CAMTA1: variants seen among roughly 807,000 people sequenced by gnomAD.
CAMTA1 encodes the protein calmodulin-binding transcription activator 1.
A neutral mutation model predicts 170.9 loss-of-function variants in CAMTA1; 27 were observed. That is an observed-to-expected ratio of 0.16 (90% CI 0.12 to 0.22). The LOEUF is 0.22. Ranked by LOEUF, CAMTA1 falls within the 10% of genes least tolerant of loss-of-function variation. The pLI is 1.00. For missense variants in CAMTA1, 1,619 were observed against 2,217.2 expected (o/e 0.73, Z 5.42); for synonymous variants, 833 against 891.5 (o/e 0.93, Z 1.17).
intron 5 of CAMTA1, among the ~76,000 whole-genome samples, chr1:7,452,944 CTA>C (rs1312542247): frequency 6.6e-6 from 1 of 152,210 alleles, no homozygotes; most frequent in East Asian, 1.9e-4. Context: ...CACAGTTTCT[CTA>C]TGAAGTTCAA....
At chr1:6,854,413 T>C (rs1661520444) in intron 3 of CAMTA1, among the ~76,000 whole-genome samples, 1 of 152,212 alleles carries the variant, frequency 6.6e-6, no homozygotes, top group Admixed American at 6.5e-5. Flanking sequence ...TGTAAGTACG[T>C]TTGTGTAAGT....
intron 3 of CAMTA1, among the ~76,000 whole-genome samples, chr1:7,051,660 T>C (rs1451976578): frequency 6.6e-6 from 1 of 152,142 alleles, no homozygotes; most frequent in Non-Finnish European, 1.5e-5. Flanking sequence ...TGAGGAAACA[T>C]CCCTGCCAGG....
chr1:7,478,204 A>C (rs1455641191), intron 6 of CAMTA1, among the ~76,000 whole-genome samples: 1 of 151,990 alleles, frequency 6.6e-6, no homozygotes, highest in Non-Finnish European at 1.5e-5. Context: ...GTGGTCGGGG[A>C]AGGGGGTCCC....
chr1:7,370,575 C>G (rs1175636951), intron 5 of CAMTA1, among the ~76,000 whole-genome samples: 17 of 152,202 alleles, frequency 1.1e-4, no homozygotes, highest in South Asian at 6.2e-4. Context: ...TTTCATGTTC[C>G]ACAGACTCTT....
rs114042519 is a variant in CAMTA1, at chr1:7,106,370, T to C, written c.302+14999T>C. Among the ~76,000 whole-genome samples the C allele has an allele frequency of 5.7e-3, 856 of 150,610 alleles. 10 individuals carry two copies. The highest frequency in any genetic ancestry group is 0.02 in the African/African-American group (803 of 40,996). The stretch of plus-strand genomic sequence containing the variant: ...AGGGAGCAAAAGAGAGGGAGGGAGA[T>C]GGAGGGAGAAAGAAAGATCCAGAGT... On this transcript the variant is annotated intron_variant, in intron 4 of 22. Coordinates refer to ENST00000303635, the MANE Select transcript of CAMTA1 (RefSeq NM_015215.4).
At chr1:7,104,290 TCAA>T (rs1643349058) in intron 4 of CAMTA1, among the ~76,000 whole-genome samples, 1 of 138,878 alleles carries the variant, frequency 7.2e-6, no homozygotes, top group East Asian at 2.0e-4. Flanking sequence ...AAACAAATAT[TCAA>T]CACAATGCAT....
chr1:7,440,223 A>G (rs114258814), intron 5 of CAMTA1, among the ~76,000 whole-genome samples: 3,871 of 152,358 alleles, frequency 0.025, 139 homozygotes, highest in African/African-American at 0.08. Flanking sequence ...TGTCCACTTC[A>G]TGGCATGGGA....
chr1:7,695,490 G>C (rs1354955300), intron 11 of CAMTA1, among the ~76,000 whole-genome samples: 2 of 152,236 alleles, frequency 1.3e-5, no homozygotes, highest in African/African-American at 4.8e-5. Context: ...GATTAGACCA[G>C]GAGGATCACT....
intron 5 of CAMTA1, among the ~76,000 whole-genome samples, chr1:7,385,744 C>T (rs753596950): frequency 1.3e-5 from 2 of 152,192 alleles, no homozygotes; most frequent in African/African-American, 4.8e-5. Context: ...CTGGGGTGCC[C>T]GCTCCCCAGC....
chr1:6,899,838 C>T (rs537739292), intron 3 of CAMTA1, among the ~76,000 whole-genome samples: 1 of 152,344 alleles, frequency 6.6e-6, no homozygotes, highest in South Asian at 2.1e-4. Flanking sequence ...ATCGGTTGAT[C>T]TGTTTCCTTG....
At chr1:7,045,262 C>G (rs1705182579) in intron 3 of CAMTA1, among the ~76,000 whole-genome samples, 1 of 152,152 alleles carries the variant, frequency 6.6e-6, no homozygotes, top group Non-Finnish European at 1.5e-5. Flanking sequence ...AAAGCTTGCT[C>G]CTTATCCACT....
intron 5 of CAMTA1, among the ~76,000 whole-genome samples, chr1:7,297,353 C>A (rs1385200660): frequency 6.6e-6 from 1 of 152,144 alleles, no homozygotes; most frequent in African/African-American, 2.4e-5. Context: ...TTTTATTTTG[C>A]CCTTATTCCT....
chr1:6,906,327 T>G (rs1678469289), intron 3 of CAMTA1, among the ~76,000 whole-genome samples: 1 of 152,148 alleles, frequency 6.6e-6, no homozygotes, highest in Non-Finnish European at 1.5e-5. Context: ...CCCAGTGCAT[T>G]TGTTGTGACT....
chr1:6,870,405 C>G (rs371308348), intron 3 of CAMTA1, among the ~76,000 whole-genome samples: 5 of 152,130 alleles, frequency 3.3e-5, no homozygotes, highest in East Asian at 1.9e-4. Context: ...ACACTCGGAC[C>G]GAGTGCATGA....
chr1:7,075,321 C>G (rs1276674758), intron 3 of CAMTA1, among the ~76,000 whole-genome samples: 1 of 152,178 alleles, frequency 6.6e-6, no homozygotes, highest in African/African-American at 2.4e-5. Flanking sequence ...TACATATATT[C>G]ATTTATGATG....
intron 3 of CAMTA1, among the ~76,000 whole-genome samples, chr1:6,983,365 G>A (rs1277047323): frequency 6.6e-6 from 1 of 151,990 alleles, no homozygotes; most frequent in Non-Finnish European, 1.5e-5. Flanking sequence ...AGCTCCAGAC[G>A]CTCCAACAGT....
chr1:6,834,792 G>A (rs905498051), intron 3 of CAMTA1, among the ~76,000 whole-genome samples: 6 of 152,022 alleles, frequency 3.9e-5, no homozygotes, highest in Non-Finnish European at 5.9e-5. Context: ...CGTGTGCCAC[G>A]CCCAGCTAAT....
At chr1:7,518,917 G>T (rs2094323800) in intron 6 of CAMTA1, among the ~76,000 whole-genome samples, 1 of 151,984 alleles carries the variant, frequency 6.6e-6, no homozygotes, top group Non-Finnish European at 1.5e-5. Context: ...GCCAGCCCCA[G>T]TACTTGGGAT....
chr1:7,132,715 A>G (rs1645333640), intron 4 of CAMTA1, among the ~76,000 whole-genome samples: 1 of 152,186 alleles, frequency 6.6e-6, no homozygotes, highest in African/African-American at 2.4e-5. Context: ...AACGTATTAT[A>G]TAGCTATAGA....
Sources: gnomAD v4.1 joint callset for allele counts (sites outside exome capture counted in the v4.1 genomes callset) on GRCh38, gnomAD v4.1.1 for gene constraint, MANE v1.5 for transcripts, NCBI Gene and HGNC (gene_info 2026-07-23, HGNC 2026-07-21) for gene names.